Variants in GCSH observed in about 807,000 individuals in gnomAD.
The protein encoded by GCSH is glycine cleavage system H protein, mitochondrial.
GCSH carries 15 observed loss-of-function variants against 21.3 expected under a neutral mutation model. The observed-to-expected ratio is 0.70, with a 90% CI of 0.47 to 1.08. The LOEUF (loss-of-function observed/expected upper bound fraction) is 1.08, where lower values mean the gene tolerates loss of function less well. Among genes scored for constraint, GCSH ranks in the 50% least tolerant of loss-of-function variants. The pLI is 0.00. For synonymous variants in GCSH, 59 were observed against 84.5 expected, an observed-to-expected ratio of 0.70 and a Z score of 1.66; for missense variants, 179 against 217.5, an observed-to-expected ratio of 0.82 and a Z score of 1.11.
rs113770901 is a variant in GCSH, at chr16:81,090,374, G to A, written c.228+227C>T. ...TGGGACCACAGGCATGAGCAACCAT[G>A]CCAGGCTAATTTTTTTTTTTAACTT... On this transcript the variant is annotated intron_variant, in intron 2 of 4. Coordinates refer to ENST00000315467, the MANE Select transcript of GCSH (RefSeq NM_004483.5). Among the ~76,000 whole-genome samples the A allele has an allele frequency of 7.2e-3, 1,096 of 151,952 alleles. 8 individuals are homozygous for A. The highest frequency in any genetic ancestry group is 0.025 in the African/African-American group (1,036 of 41,430).
rs540997326 is a variant in GCSH, at chr16:81,096,226, G to A, written c.53C>T (p.Ala18Val). 3.7e-3 allele frequency: 4,925 copies of A among 1,314,560 alleles called. 8 individuals carry two copies. Among genetic ancestry groups the A allele is most frequent in the Non-Finnish European group, 4.1e-3 (4,294 of 1,037,032 alleles). 81.4% of individuals were successfully genotyped at this position (1,314,560 alleles called of 1,614,324 possible). ...GCAGGGCGCGGCGGGTGACGGGACC[G>A]CGCGCAGGGTGCAGAGCAGGGCCCG... ...SVRALLCTLR[A>V]VPSPAAPCPP... is the part of the protein sequence containing the mutation. Residue 18 changes from alanine to valine, a missense_variant, in exon 1 of 5, where the codon GCG (alanine) becomes GTG (valine). Coordinates refer to ENST00000315467, the MANE Select transcript of GCSH (RefSeq NM_004483.5).
chr16:81,095,539 C>A (rs952691871), intron 1 of GCSH, among the ~76,000 whole-genome samples: 1 of 151,844 alleles, frequency 6.6e-6, no homozygotes, highest in East Asian at 1.9e-4. Flanking sequence ...CATGCCGCCA[C>A]GCCTGGCTAA....
intron 3 of GCSH, 29 bp from the exon 4 acceptor site, chr16:81,084,623 T>C (rs768801110): frequency 1.2e-4 from 184 of 1,563,354 alleles, no homozygotes; most frequent in Non-Finnish European, 1.6e-4. Context: ...AAAGAAAACA[T>C]GAAATGTTAA....
chr16:81,093,848 A>G (rs1197364836), intron 1 of GCSH, among the ~76,000 whole-genome samples: 7 of 152,132 alleles, frequency 4.6e-5, no homozygotes, highest in Non-Finnish European at 8.8e-5. Flanking sequence ...AATGATTAGT[A>G]CAATTCTCCT....
Position 81,082,939 on chromosome 16 carries a change from C to A in GCSH, c.449G>T (p.Ser150Ile), listed in dbSNP as rs780395320. 2.5e-6 allele frequency: 4 copies of A among 1,573,352 alleles called. No homozygotes were observed. The highest frequency in any genetic ancestry group is 3.5e-6 in the Non-Finnish European group (4 of 1,143,224). ...EDGWLIKMTL[S>I]NPSELDELMS... ...AAGTTCATCTAGTTCTGAAGGGTTA[C>A]TCAGTGTCATCTTGATCAGCCAACC... is the stretch of plus-strand genomic sequence containing the variant. Residue 150 changes from serine (S) to isoleucine (I), a missense_variant, in exon 5 of 5, where the codon AGT (serine) becomes ATT (isoleucine). Ser to Ile is a moderately radical substitution (Grantham distance 142, BLOSUM62 -2). Transcript: ENST00000315467.
chr16:81,090,252 A>C (rs1005891880), intron 2 of GCSH, among the ~76,000 whole-genome samples: 6 of 151,846 alleles, frequency 4.0e-5, no homozygotes, highest in Admixed American at 1.3e-4. Flanking sequence ...CACCAAGACC[A>C]GCTAATTTTT....
intron 2 of GCSH, among the ~76,000 whole-genome samples, chr16:81,088,813 A>T (rs569426050): frequency 6.6e-6 from 1 of 152,272 alleles, no homozygotes; most frequent in South Asian, 2.1e-4. Flanking sequence ...CTGATTCTAC[A>T]AATCATAGTC....
Position 81,091,176 on chromosome 16 carries a change from G to A in GCSH, c.149-496C>T, listed in dbSNP as rs547034642. On this transcript the variant is annotated intron_variant, in intron 1 of 4. Transcript: ENST00000315467. ...AGAGTTGACCTAAGAGAGCTTCAGT[G>A]CAGCTTGGGTTACAAAGTAAAATTT... 279 of 424,480 alleles carry A rather than the reference G, an allele frequency of 6.6e-4. 1 individual carries two copies. Among genetic ancestry groups the A allele is most frequent in the Admixed American group, 1.1e-3 (36 of 33,020 alleles). The allele number at this position is 424,480 out of a possible 1,614,324, so 26.3% of individuals were successfully genotyped here.
Position 81,084,510 on chromosome 16 carries a change from G to A in GCSH, c.377C>T (p.Ala126Val). Residue 126 changes from alanine to valine, a missense_variant, in exon 4 of 5, where the codon GCT (alanine) becomes GTT (valine). Transcript: ENST00000315467. ...LSGEVTEINE[A>V]LAENPGLVNK... The stretch of plus-strand genomic sequence containing the variant: ...TACAAGTCCTGGATTTTCTGCAAGA[G>A]CTTCATTAATTTCAGTTACTTCTCC... 6.2e-7 allele frequency: 1 copy of A among 1,606,774 alleles called. No individual in the cohort carries two copies. The highest frequency in any genetic ancestry group is 8.5e-7 in the Non-Finnish European group (1 of 1,173,418).
chr16:81,088,312 G>A (rs1972325593), intron 2 of GCSH, among the ~76,000 whole-genome samples: 1 of 152,174 alleles, frequency 6.6e-6, no homozygotes, highest in Non-Finnish European at 1.5e-5. Context: ...CTCAGGAGCT[G>A]CAAGAGACCA....
At chr16:81,093,757 C>G (rs1056146683) in intron 1 of GCSH, among the ~76,000 whole-genome samples, 17 of 152,074 alleles carry the variant, frequency 1.1e-4, no homozygotes, top group African/African-American at 3.9e-4. Flanking sequence ...AGGAGAATCA[C>G]TTGAACCTGG....
chr16:81,090,414 G>T (rs897186770), intron 2 of GCSH, among the ~76,000 whole-genome samples, 187 bp downstream of exon 2: 1 of 151,840 alleles, frequency 6.6e-6, no homozygotes, highest in Admixed American at 6.6e-5. Flanking sequence ...TAGAGACGGG[G>T]TCTCACTTTG....
In GCSH at chr16:81,082,464, C is replaced by T. The variant is rs779129826; in HGVS notation, c.*402G>A. 1.8e-5 allele frequency: 7 copies of T among 392,090 alleles called. No individual in the cohort carries two copies. The highest frequency in any genetic ancestry group is 1.3e-4 in the South Asian group (7 of 54,380). The allele number at this position is 392,090 out of a possible 1,614,324, so 24.3% of individuals were successfully genotyped here. A position where few individuals can be genotyped will look rare whatever the true frequency, so the allele number is the denominator to read the frequency against. ...CTGTACAAGCAACAAAACCTCTTCA[C>T]TTCCAGTTATTTCCAATGGAAAGAT... On this transcript the variant is annotated 3_prime_UTR_variant, in exon 5 of 5. Coordinates refer to ENST00000315467, the MANE Select transcript of GCSH (RefSeq NM_004483.5).
At chr16:81,091,341 T>C (rs1168182483) in intron 1 of GCSH, 7 of 329,560 alleles carry the variant, frequency 2.1e-5, no homozygotes, top group Non-Finnish European at 2.9e-5. Flanking sequence ...AACTCAACAG[T>C]CTTCTCAGAG....
chr16:81,092,744 A>G (rs1387771946), intron 1 of GCSH, among the ~76,000 whole-genome samples: 1 of 150,186 alleles, frequency 6.7e-6, no homozygotes, highest in Non-Finnish European at 1.5e-5. Flanking sequence ...CTCAGTCTCA[A>G]AAAAAACAAA....
chr16:81,094,572 T>C (rs1196208337), intron 1 of GCSH, among the ~76,000 whole-genome samples: 2 of 152,042 alleles, frequency 1.3e-5, no homozygotes, highest in Non-Finnish European at 2.9e-5. Context: ...TGAGAAATGC[T>C]TTACCTTTGT....
In GCSH at chr16:81,091,371, A is replaced by G. The variant is rs544826833; in HGVS notation, c.149-691T>C. 4 of 284,322 alleles carry G rather than the reference A, an allele frequency of 1.4e-5. No individual in the cohort carries two copies. In the East Asian group the frequency reaches 3.1e-4, roughly 22 times the overall value. 17.6% of individuals were successfully genotyped at this position (284,322 alleles called of 1,614,324 possible). A position where few individuals can be genotyped will look rare whatever the true frequency, so the allele number is the denominator to read the frequency against. ...TCAGAGCTAAGCCATGGGTTGGTGGAGAATCAAGCTCTGCTCACCACTCAC... is the reference window on the plus strand; with the variant it reads ...TCAGAGCTAAGCCATGGGTTGGTGGGGAATCAAGCTCTGCTCACCACTCAC... On this transcript the variant is annotated intron_variant, in intron 1 of 4. Transcript: ENST00000315467.
chr16:81,084,602 G>A lies in GCSH; in HGVS notation c.293-8C>T, dbSNP rs770976943. 5 of 1,593,374 alleles carry A rather than the reference G, an allele frequency of 3.1e-6. No homozygotes were observed. In the Admixed American group the frequency reaches 8.5e-5, roughly 27 times the overall value. On this transcript the variant is annotated splice_polypyrimidine_tract_variant and splice_region_variant and intron_variant, in intron 3 of 4. Coordinates refer to ENST00000315467, the MANE Select transcript of GCSH (RefSeq NM_004483.5). ...CCAAAGCACCAAACTCATCTAAGTG[G>A]AAAAAAAATTAAAGAAAACATGAAA... is the stretch of plus-strand genomic sequence containing the variant.
At chr16:81,086,595 A>G (rs557471015) in intron 3 of GCSH, among the ~76,000 whole-genome samples, 81 of 151,608 alleles carry the variant, frequency 5.3e-4, no homozygotes, top group African/African-American at 1.9e-3. Flanking sequence ...AGTTTAAAAA[A>G]GGCTGAAAAG....
Sources: gnomAD v4.1 joint callset for allele counts (sites outside exome capture counted in the v4.1 genomes callset) on GRCh38, gnomAD v4.1.1 for gene constraint, MANE v1.5 for transcripts, NCBI Gene and HGNC (gene_info 2026-07-23, HGNC 2026-07-21) for gene names.